GREB1L: variants seen among roughly 807,000 people sequenced by gnomAD.
The protein encoded by GREB1L is GREB1-like protein.
In GREB1L, 17 loss-of-function variants were observed where a neutral mutation model predicts 200.8. The ratio of observed to expected loss-of-function variants is 0.08; its 90% confidence interval spans 0.06 to 0.13. The LOEUF (loss-of-function observed/expected upper bound fraction) is 0.13, where lower values mean the gene tolerates loss of function less well. Ranked by LOEUF, GREB1L falls within the 10% of genes least tolerant of loss-of-function variation. The probability of loss-of-function intolerance (pLI) is 1.00; values close to 1 mark genes in which losing one functional copy is unlikely to be tolerated. For synonymous variants in GREB1L, 789 were observed against 893.0 expected (o/e 0.88, Z 2.08); for missense variants, 1,657 against 2,367.7 (o/e 0.70, Z 6.23).
At chr18:21,510,136 C>T (rs1178973249) in intron 27 of GREB1L, among the ~76,000 whole-genome samples, 1 of 151,708 alleles carries the variant, frequency 6.6e-6, no homozygotes, top group African/African-American at 2.4e-5. Flanking sequence ...ATCACTTGAA[C>T]CCGGGAGCTG....
chr18:21,464,396 T>C (rs1428541962), intron 15 of GREB1L, among the ~76,000 whole-genome samples: 12 of 151,650 alleles, frequency 7.9e-5, no homozygotes, highest in Non-Finnish European at 1.8e-4. Flanking sequence ...ATACAAAAAT[T>C]AGCCGGGCGT....
intron 2 of GREB1L, among the ~76,000 whole-genome samples, chr18:21,379,846 G>T (rs1161207317): frequency 6.6e-6 from 1 of 152,144 alleles, no homozygotes; most frequent in Non-Finnish European, 1.5e-5. Flanking sequence ...TTTAATGTTT[G>T]TATTGTACTG....
rs1339780192 is a variant in GREB1L, at chr18:21,524,356, C to A, written c.*1535C>A. On this transcript the variant is annotated 3_prime_UTR_variant, in exon 33 of 33. Transcript: ENST00000424526. Reference sequence around the variant, plus strand: ...GGTTTTAATATAGCTACTTATAATGCTTTAACTGTATTTTGAAGTGAACAA... The same window carrying A: ...GGTTTTAATATAGCTACTTATAATGATTTAACTGTATTTTGAAGTGAACAA... The A allele has an allele frequency of 2.0e-5, 3 of 152,184 alleles. No homozygotes were observed. 9.4% of individuals were successfully genotyped at this position (152,184 alleles called of 1,614,324 possible).
intron 11 of GREB1L, among the ~76,000 whole-genome samples, chr18:21,448,155 G>A (rs2034328002): frequency 2.5e-5 from 2 of 80,538 alleles, no homozygotes; most frequent in Non-Finnish European, 3.4e-5. Flanking sequence ...AAGGGAAACT[G>A]TCTCAAAAAA....
intron 18 of GREB1L, among the ~76,000 whole-genome samples, chr18:21,486,279 G>A (rs1330468362): frequency 1.3e-5 from 2 of 151,844 alleles, no homozygotes; most frequent in East Asian, 1.9e-4. Flanking sequence ...GTGTGAACCC[G>A]GGAGGTGGAG....
intron 12 of GREB1L, among the ~76,000 whole-genome samples, 185 bp downstream of exon 12, chr18:21,450,021 A>G (rs1458127551): frequency 6.6e-6 from 1 of 152,150 alleles, no homozygotes; most frequent in African/African-American, 2.4e-5. Flanking sequence ...TGTAGCCCTC[A>G]GTTTGGCTGG....
At chr18:21,260,547 AGACTTAACATGCAAAG>A (rs1300104445) in intron 1 of GREB1L, among the ~76,000 whole-genome samples, 1 of 152,038 alleles carries the variant, frequency 6.6e-6, no homozygotes, top group East Asian at 1.9e-4. Context: ...GGTTTTCCAG[AGACTTAACATGCAAAG>A]GACCATTTGT....
chr18:21,440,208 T>G (rs1367187884), intron 8 of GREB1L, 61 bp from the exon 9 acceptor site: 2 of 1,524,172 alleles, frequency 1.3e-6, no homozygotes, highest in Non-Finnish European at 1.8e-6. Flanking sequence ...CGTTCTTTCC[T>G]TTCTTCCACA....
At chr18:21,341,663 A>ACTTCC (rs760990374) in intron 1 of GREB1L, among the ~76,000 whole-genome samples, 1 of 152,158 alleles carries the variant, frequency 6.6e-6, no homozygotes, top group Non-Finnish European at 1.5e-5. Context: ...GTGAGCCACC[A>ACTTCC]CACCTGGCTA....
intron 2 of GREB1L, among the ~76,000 whole-genome samples, chr18:21,382,679 C>T (rs1228117517): frequency 1.3e-5 from 2 of 151,772 alleles, no homozygotes; most frequent in African/African-American, 2.4e-5. Context: ...TTAGTAGAGA[C>T]GGGGTTTCAC....
intron 1 of GREB1L, among the ~76,000 whole-genome samples, chr18:21,325,426 G>T (rs2039007554): frequency 6.6e-6 from 1 of 152,074 alleles, no homozygotes; most frequent in Non-Finnish European, 1.5e-5. Flanking sequence ...TGAAATAATG[G>T]CCACACTGCT....
chr18:21,504,645 A>G (rs1055853637), intron 23 of GREB1L, among the ~76,000 whole-genome samples: 1 of 152,170 alleles, frequency 6.6e-6, no homozygotes, highest in Non-Finnish European at 1.5e-5. Context: ...AGACCAGCTT[A>G]GGCAATACAG....
At chr18:21,458,986 C>T (rs572456621) in intron 15 of GREB1L, among the ~76,000 whole-genome samples, 13 of 151,912 alleles carry the variant, frequency 8.6e-5, no homozygotes, top group South Asian at 2.1e-4. Context: ...AGTGACTGTC[C>T]GTTTTTTGCC....
chr18:21,340,232 A>G (rs755672345), intron 1 of GREB1L, among the ~76,000 whole-genome samples: 4 of 152,098 alleles, frequency 2.6e-5, no homozygotes, highest in Non-Finnish European at 4.4e-5. Context: ...CTTGGCTAAC[A>G]TGGTAAAACC....
chr18:21,411,822 G>A (rs2031052014), intron 7 of GREB1L, among the ~76,000 whole-genome samples: 1 of 151,442 alleles, frequency 6.6e-6, no homozygotes, highest in Admixed American at 6.6e-5. Flanking sequence ...GAGGCGGGTG[G>A]ATCATGAGGT....
chr18:21,477,794 A>AC (rs1364830128), intron 17 of GREB1L, among the ~76,000 whole-genome samples: 3 of 152,104 alleles, frequency 2.0e-5, no homozygotes, highest in South Asian at 4.2e-4. Flanking sequence ...TCAAAAAAAA[A>AC]AAAAACAAAA....
intron 1 of GREB1L, among the ~76,000 whole-genome samples, chr18:21,326,441 G>A (rs2039023910): frequency 6.6e-6 from 1 of 152,184 alleles, no homozygotes; most frequent in Non-Finnish European, 1.5e-5. Context: ...GGCTTTTTCT[G>A]TCTTTAGATC....
intron 17 of GREB1L, among the ~76,000 whole-genome samples, chr18:21,484,153 A>AATAC (rs1438943709): frequency 2.7e-5 from 4 of 150,826 alleles, no homozygotes; most frequent in Admixed American, 6.6e-5. Context: ...TTTTTATCTT[A>AATAC]ATACATACAT....
chr18:21,506,894 T>C (rs975911971), intron 25 of GREB1L, among the ~76,000 whole-genome samples: 3 of 152,194 alleles, frequency 2.0e-5, no homozygotes, highest in South Asian at 2.1e-4. Context: ...CAGAGCTTAC[T>C]TCCCCAAATT....
Sources: allele counts gnomAD v4.1 joint callset (sites outside exome capture counted in the v4.1 genomes callset), GRCh38; gene constraint gnomAD v4.1.1; transcripts MANE v1.5; gene names NCBI Gene and HGNC (gene_info 2026-07-23, HGNC 2026-07-21).